IQGAP2: variants seen among roughly 807,000 people sequenced by gnomAD.
IQGAP2 encodes the protein IQ motif containing GTPase activating protein 2.
IQGAP2 carries 173 observed loss-of-function variants against 201.3 expected under a neutral mutation model. The observed-to-expected ratio is 0.86, with a 90% CI of 0.76 to 0.98. The LOEUF is 0.98. Among genes scored for constraint, IQGAP2 ranks in the 50% least tolerant of loss-of-function variants. IQGAP2 has a pLI of 0.00. For missense variants in IQGAP2, 1,687 were observed against 1,864.8 expected, an observed-to-expected ratio of 0.90 and a Z score of 1.76; for synonymous variants, 675 against 673.9, an observed-to-expected ratio of 1.00 and a Z score of -0.03.
At chr5:76,448,387 A>G (rs1040690108) in intron 1 of IQGAP2, among the ~76,000 whole-genome samples, 3 of 152,124 alleles carry the variant, frequency 2.0e-5, no homozygotes, top group African/African-American at 7.2e-5. Context: ...TACATGCTGG[A>G]ATTCACAGCC....
intron 30 of IQGAP2, among the ~76,000 whole-genome samples, chr5:76,686,295 TG>T (rs1174792075): frequency 4.5e-4 from 64 of 143,766 alleles, no homozygotes; most frequent in African/African-American, 1.6e-3. Flanking sequence ...TCCGCACAAA[TG>T]TTTTTTTTTT....
chr5:76,534,988 G>T (rs1478291376), intron 2 of IQGAP2, among the ~76,000 whole-genome samples: 2 of 152,162 alleles, frequency 1.3e-5, no homozygotes, highest in African/African-American at 4.8e-5. Flanking sequence ...AGGTGCCAAG[G>T]CTATGAAGTT....
At chr5:76,540,042 A>G (rs937378170) in intron 2 of IQGAP2, among the ~76,000 whole-genome samples, 1 of 152,114 alleles carries the variant, frequency 6.6e-6, no homozygotes, top group Admixed American at 6.5e-5. Flanking sequence ...CATGGACATC[A>G]TTTTAATTAG....
At position 76,584,171 on chromosome 5, in the gene IQGAP2, C is replaced by A. The variant is rs561547284; in HGVS notation, c.459-4735C>A. ...ACAGACGTGAGCCACTGTGCCCAGC[C>A]GAGAAAAATATTTTTATATAGGAGC... On this transcript the variant is annotated intron_variant, in intron 5 of 35. Transcript: ENST00000274364. 7.9e-5 allele frequency among the ~76,000 whole-genome samples: 12 copies of A among 151,614 alleles called. No individual in the cohort carries two copies. The South Asian group carries it at 2.5e-3, about 32-fold the overall frequency.
chr5:76,579,440 TAAAAAA>T (rs56658667), intron 5 of IQGAP2, among the ~76,000 whole-genome samples: 164 of 138,894 alleles, frequency 1.2e-3, no homozygotes, highest in Non-Finnish European at 2.1e-3. Context: ...TTTCTTTGTT[TAAAAAA>T]AAAAAAAAAA....
rs774103761 is a variant in IQGAP2 at position 76,562,527 on chromosome 5, A to G, written c.278A>G (p.Tyr93Cys). 16 of 1,614,028 alleles carry G rather than the reference A, an allele frequency of 9.9e-6. No homozygotes were observed. In the South Asian group the frequency reaches 1.2e-4, roughly 12 times the overall value. Reference sequence around the variant, plus strand: ...AAAATGGTATCAGAGAAAAAGATCTATGATGTGGAACAAACACGTTATAAG... The same window carrying G: ...AAAATGGTATCAGAGAAAAAGATCTGTGATGTGGAACAAACACGTTATAAG... Reference protein sequence around the residue: ...APKMVSEKKIYDVEQTRYKKS... With the variant: ...APKMVSEKKICDVEQTRYKKS... The change falls in exon 3 of 36, where the codon TAT (tyrosine) becomes TGT (cysteine). Residue 93 changes from tyrosine to cysteine, a missense_variant. Physicochemically the swap from Tyr to Cys is radical, Grantham distance 194. Coordinates refer to ENST00000274364, the MANE Select transcript of IQGAP2 (RefSeq NM_006633.5).
chr5:76,669,272 G>C (rs1160099215), intron 23 of IQGAP2, among the ~76,000 whole-genome samples: 1 of 152,122 alleles, frequency 6.6e-6, no homozygotes, highest in Non-Finnish European at 1.5e-5. Flanking sequence ...AATTGTATAG[G>C]TAGCTATAAT....
chr5:76,678,320 G>A (rs912739749), intron 28 of IQGAP2, among the ~76,000 whole-genome samples: 1 of 151,952 alleles, frequency 6.6e-6, no homozygotes, highest in East Asian at 1.9e-4. Flanking sequence ...CATCACTGCC[G>A]TCAGCCATTA....
chr5:76,570,492 G>T, intron 3 of IQGAP2, 88 bp from the exon 4 acceptor site: 1 of 845,932 alleles, frequency 1.2e-6, no homozygotes, highest in Non-Finnish European at 2.0e-6. Context: ...CAATTGAAAA[G>T]CATCCTGTAC....
At chr5:76,496,237 G>A (rs1756883339) in intron 2 of IQGAP2, among the ~76,000 whole-genome samples, 1 of 152,116 alleles carries the variant, frequency 6.6e-6, no homozygotes, top group Non-Finnish European at 1.5e-5. Flanking sequence ...AGAAATGTGG[G>A]CATAGCTTTA....
chr5:76,532,115 G>C (rs527760739), intron 2 of IQGAP2, among the ~76,000 whole-genome samples: 1 of 152,322 alleles, frequency 6.6e-6, no homozygotes, highest in South Asian at 2.1e-4. Context: ...GGGGACATAA[G>C]CATTCAGTTC....
At chr5:76,528,462 A>G (rs559761067) in intron 2 of IQGAP2, among the ~76,000 whole-genome samples, 1 of 152,328 alleles carries the variant, frequency 6.6e-6, no homozygotes, top group South Asian at 2.1e-4. Flanking sequence ...GATATTTCAA[A>G]TAGGAGGAGA....
At chr5:76,441,777 A>T (rs1753054826) in intron 1 of IQGAP2, among the ~76,000 whole-genome samples, 1 of 152,210 alleles carries the variant, frequency 6.6e-6, no homozygotes, top group Admixed American at 6.5e-5. Context: ...TGCCTTCCTT[A>T]AGAAAGCAAG....
intron 7 of IQGAP2, 114 bp from the exon 8 acceptor site, chr5:76,590,294 A>G: frequency 3.8e-6 from 3 of 782,346 alleles, no homozygotes; most frequent in Non-Finnish European, 6.1e-6. Flanking sequence ...TGACATATTT[A>G]CTGGAAGCCA....
At position 76,674,458 on chromosome 5, in the gene IQGAP2, C is replaced by G. The variant is rs374129625; in HGVS notation, c.3295-19C>G. On this transcript the variant is annotated intron_variant, in intron 26 of 35. Coordinates refer to ENST00000274364, the MANE Select transcript of IQGAP2 (RefSeq NM_006633.5). ...GTTTTCTCTCTTAAAAATGGTCATG[C>G]ACTTCTGCGTCACTCCAGATTGTTG... 5 of 1,475,852 alleles carry G rather than the reference C, an allele frequency of 3.4e-6. No individual in the cohort carries two copies. Among genetic ancestry groups the G allele is most frequent in the African/African-American group, 2.8e-5 (2 of 71,480 alleles). 91.4% of individuals were successfully genotyped at this position (1,475,852 alleles called of 1,614,324 possible).
At chr5:76,461,358 T>G (rs922310929) in intron 1 of IQGAP2, among the ~76,000 whole-genome samples, 10 of 149,900 alleles carry the variant, frequency 6.7e-5, no homozygotes, top group Admixed American at 4.7e-4. Flanking sequence ...ACAGTGCCAG[T>G]TCCTGTCTCA....
intron 13 of IQGAP2, chr5:76,616,414 G>T (rs935067206): frequency 6.6e-6 from 1 of 152,608 alleles, no homozygotes; most frequent in Admixed American, 6.5e-5. Context: ...TGAATGCCAG[G>T]CTAAAGATTT....
At chr5:76,589,531 T>C (rs1746496384) in intron 6 of IQGAP2, 84 bp from the exon 7 acceptor site, 1 of 681,590 alleles carries the variant, frequency 1.5e-6, no homozygotes. Context: ...AAGACATTTC[T>C]TGATATGATT....
intron 13 of IQGAP2, 123 bp downstream of exon 13, chr5:76,611,306 G>C: frequency 1.5e-6 from 1 of 656,224 alleles, no homozygotes; most frequent in South Asian, 2.4e-5. Context: ...AATTACCCAT[G>C]AATCAGAATG....
Sources: gnomAD v4.1 joint callset for allele counts (sites outside exome capture counted in the v4.1 genomes callset) on GRCh38, gnomAD v4.1.1 for gene constraint, MANE v1.5 for transcripts, NCBI Gene and HGNC (gene_info 2026-07-23, HGNC 2026-07-21) for gene names.